Variants in FAM193A observed in about 807,000 individuals in gnomAD.
The protein encoded by FAM193A is protein FAM193A.
Under a neutral mutation model 126.5 loss-of-function variants are expected in FAM193A, and 22 were observed. That is an observed-to-expected ratio of 0.17 (90% CI 0.12 to 0.25). FAM193A has a LOEUF of 0.25. FAM193A is among the 10% of genes least tolerant of loss of function. The probability of loss-of-function intolerance (pLI) is 1.00; values close to 1 mark genes in which losing one functional copy is unlikely to be tolerated. For missense variants in FAM193A, 1,675 were observed against 1,672.8 expected (o/e 1.00, Z -0.02); for synonymous variants, 761 against 646.8 (o/e 1.18, Z -2.68).
At position 2,549,497 on chromosome 4, in the gene FAM193A, C is replaced by T. The variant is rs1070964; in HGVS notation, c.255+12327C>T. Among the ~76,000 whole-genome samples, 9 of 137,696 alleles carry T rather than the reference C, an allele frequency of 6.5e-5. No individual in the cohort carries two copies. In the East Asian group the frequency reaches 6.7e-4, roughly 10 times the overall value. 90.3% of individuals were successfully genotyped at this position (137,696 alleles called of 152,430 possible). A position where few individuals can be genotyped will look rare whatever the true frequency, so the allele number is the denominator to read the frequency against. ...CTGCAAGCTCCGCCTCCCGGGTTCA[C>T]GCCATTCTCCTGCCTCAGCCTCCCA... On this transcript the variant is annotated intron_variant, in intron 1 of 20. Coordinates refer to ENST00000637812, the MANE Select transcript of FAM193A (RefSeq NM_001366318.2).
chr4:2,634,841 T>C (rs1743935066), intron 5 of FAM193A, among the ~76,000 whole-genome samples: 2 of 152,220 alleles, frequency 1.3e-5, no homozygotes, highest in Admixed American at 1.3e-4. Context: ...AAATGGTCTG[T>C]GAGATGTTAT....
intron 13 of FAM193A, among the ~76,000 whole-genome samples, chr4:2,680,262 T>G (rs1254680133): frequency 1.3e-5 from 2 of 152,244 alleles, no homozygotes; most frequent in Non-Finnish European, 2.9e-5. Flanking sequence ...GTTTTGTGTT[T>G]CTAAAAATTT....
intron 5 of FAM193A, among the ~76,000 whole-genome samples, chr4:2,632,368 C>G (rs867753865): frequency 2.0e-5 from 3 of 152,010 alleles, no homozygotes; most frequent in African/African-American, 7.2e-5. Flanking sequence ...GAGCTTGAGA[C>G]TAGCCTAGGC....
chr4:2,580,135 G>A (rs868045682), intron 1 of FAM193A, among the ~76,000 whole-genome samples: 9 of 152,174 alleles, frequency 5.9e-5, no homozygotes, highest in Non-Finnish European at 7.4e-5. Context: ...CAGGGACTTG[G>A]ATGGAGCTAG....
At chr4:2,549,228 G>A (rs1737754536) in intron 1 of FAM193A, among the ~76,000 whole-genome samples, 2 of 151,332 alleles carry the variant, frequency 1.3e-5, no homozygotes, top group Non-Finnish European at 1.5e-5. Flanking sequence ...GTGAGCCACT[G>A]CACCCAGGCT....
At chr4:2,702,095 A>G (rs1717801062) in intron 19 of FAM193A, among the ~76,000 whole-genome samples, 1 of 152,080 alleles carries the variant, frequency 6.6e-6, no homozygotes, top group African/African-American at 2.4e-5. Context: ...TTCTAATATT[A>G]TTCTTTCTAT....
intron 1 of FAM193A, among the ~76,000 whole-genome samples, chr4:2,557,979 A>G (rs1738363864): frequency 6.6e-6 from 1 of 151,404 alleles, no homozygotes; most frequent in African/African-American, 2.4e-5. Context: ...ACCATTTAAT[A>G]GTGTACTACA....
At chr4:2,630,501 G>C (rs553917579) in intron 4 of FAM193A, among the ~76,000 whole-genome samples, 26 of 152,244 alleles carry the variant, frequency 1.7e-4, no homozygotes, top group African/African-American at 6.3e-4. Flanking sequence ...TAACATATAA[G>C]CCTTTAAAAG....
Position 2,663,251 on chromosome 4 carries a change from A to G in FAM193A, c.2042A>G (p.Lys681Arg), listed in dbSNP as rs1712698392. The part of the protein sequence containing the change: ...GSRSPRTEES[K>R]ADSPPPSYPT... Reference sequence around the variant, plus strand: ...AGGAGCCCCAGGACAGAGGAGAGCAAAGCAGACAGTCCACCCCCATCCTAC... The same window carrying G: ...AGGAGCCCCAGGACAGAGGAGAGCAGAGCAGACAGTCCACCCCCATCCTAC... Residue 681 changes from lysine (K) to arginine (R), a missense_variant, in exon 12 of 21, where the codon AAA (lysine) becomes AGA (arginine). Transcript: ENST00000637812. The G allele has an allele frequency of 6.2e-7, 1 of 1,612,348 alleles. No homozygotes were observed. The highest frequency in any genetic ancestry group is 1.7e-4 in the Middle Eastern group (1 of 5,720).
chr4:2,602,668 G>C (rs1741269470), intron 2 of FAM193A, among the ~76,000 whole-genome samples: 1 of 151,272 alleles, frequency 6.6e-6, no homozygotes, highest in African/African-American at 2.4e-5. Context: ...TGATGTTTTT[G>C]TTTTTGTTTT....
At chr4:2,584,866 A>C (rs1740146800) in intron 1 of FAM193A, among the ~76,000 whole-genome samples, 1 of 152,122 alleles carries the variant, frequency 6.6e-6, no homozygotes, top group Non-Finnish European at 1.5e-5. Flanking sequence ...CGGAGGTTGC[A>C]GTGAGCCGAG....
chr4:2,576,066 C>G (rs770052612), intron 1 of FAM193A, among the ~76,000 whole-genome samples: 20 of 152,064 alleles, frequency 1.3e-4, no homozygotes, highest in Admixed American at 1.3e-3. Context: ...GCAGTAATAC[C>G]GGGTAGCTGT....
At position 2,635,509 on chromosome 4, in the gene FAM193A, A is replaced by G. The variant is rs371254218; in HGVS notation, c.1039-4226A>G. Among the ~76,000 whole-genome samples, 15 of 152,360 alleles carry G rather than the reference A, an allele frequency of 9.8e-5. No individual in the cohort carries two copies. In the East Asian group the frequency reaches 1.7e-3, roughly 18 times the overall value. On this transcript the variant is annotated intron_variant, in intron 5 of 20. Coordinates refer to ENST00000637812, the MANE Select transcript of FAM193A (RefSeq NM_001366318.2). ...AATGTAACAAATAATACACTTTTAC[A>G]TTAGATAATGTAACATAAATTACAT...
chr4:2,590,231 G>A (rs1267233069), intron 1 of FAM193A, among the ~76,000 whole-genome samples: 1 of 151,032 alleles, frequency 6.6e-6, no homozygotes, highest in East Asian at 2.0e-4. Flanking sequence ...CAGCACTTTG[G>A]GAGGCCGAGG....
chr4:2,560,731 G>A (rs554360579), intron 1 of FAM193A, among the ~76,000 whole-genome samples: 1 of 152,276 alleles, frequency 6.6e-6, no homozygotes, highest in East Asian at 1.9e-4. Context: ...TCTCTCCTGT[G>A]TCTTGAATCT....
At chr4:2,625,552 A>G in intron 3 of FAM193A, 157 bp downstream of exon 3, 1 of 464,876 alleles carries the variant, frequency 2.2e-6, no homozygotes, top group Non-Finnish European at 3.8e-6. Flanking sequence ...TGAGTAAGAC[A>G]AAAACTGTTG....
chr4:2,574,865 T>C (rs1250335524), intron 1 of FAM193A, among the ~76,000 whole-genome samples: 1 of 152,216 alleles, frequency 6.6e-6, no homozygotes, highest in Non-Finnish European at 1.5e-5. Flanking sequence ...TTTTGGCGTA[T>C]TGGAAGCATT....
rs953779701 is a variant in FAM193A, at chr4:2,659,506, A to G, written c.1390-52A>G. On this transcript the variant is annotated intron_variant, in intron 8 of 20. Transcript: ENST00000637812. ...CAGAATTACTGAAAAATAATGAGCC[A>G]TGTCTCGGGGAAGGGTCTTGCAAGA... 85 of 1,216,542 alleles carry G rather than the reference A, an allele frequency of 7.0e-5. No homozygotes were observed. In the East Asian group the frequency reaches 1.9e-3, roughly 27 times the overall value. 75.4% of individuals were successfully genotyped at this position (1,216,542 alleles called of 1,614,324 possible). A position where few individuals can be genotyped will look rare whatever the true frequency, so the allele number is the denominator to read the frequency against.
chr4:2,592,418 T>G (rs1185331892), intron 1 of FAM193A, among the ~76,000 whole-genome samples: 1 of 152,176 alleles, frequency 6.6e-6, no homozygotes, highest in African/African-American at 2.4e-5. Flanking sequence ...AATATCAATG[T>G]AACTAGATTT....
Sources: gnomAD v4.1 joint callset for allele counts (sites outside exome capture counted in the v4.1 genomes callset) on GRCh38, gnomAD v4.1.1 for gene constraint, MANE v1.5 for transcripts, NCBI Gene and HGNC (gene_info 2026-07-23, HGNC 2026-07-21) for gene names.